Variants in RCBTB1 observed in about 807,000 individuals in gnomAD.
RCBTB1 encodes the protein RCC1 and BTB domain containing protein 1, also known as RCC1 and BTB domain-containing protein 1.
A neutral mutation model predicts 62.4 loss-of-function variants in RCBTB1; 46 were observed. That is an observed-to-expected ratio of 0.74 (90% CI 0.58 to 0.94). The LOEUF (loss-of-function observed/expected upper bound fraction) is 0.94. Among genes scored for constraint, RCBTB1 ranks in the 40% least tolerant of loss-of-function variants. RCBTB1 has a pLI of 0.00. For synonymous variants in RCBTB1, 222 were observed against 245.8 expected (o/e 0.90, Z 0.91); for missense variants, 565 against 654.9 (o/e 0.86, Z 1.50).
chr13:49,557,174 G>C (rs1961990676), intron 5 of RCBTB1, among the ~76,000 whole-genome samples: 1 of 152,180 alleles, frequency 6.6e-6, no homozygotes, highest in African/African-American at 2.4e-5. Flanking sequence ...TCAAAGAGAG[G>C]AACAGTATGA....
chr13:49,554,367 GAGA>G (rs1226094711), intron 6 of RCBTB1, among the ~76,000 whole-genome samples: 4 of 152,114 alleles, frequency 2.6e-5, no homozygotes, highest in Non-Finnish European at 4.4e-5. Context: ...TTAAAAATAA[GAGA>G]AGAATACTGG....
chr13:49,539,474 G>A (rs935364198), intron 12 of RCBTB1: 3 of 152,190 alleles, frequency 2.0e-5, no homozygotes, highest in Non-Finnish European at 4.4e-5. Context: ...CTTGAGCCGA[G>A]ACATCTGCCT....
rs2139181290 is a variant in RCBTB1 at position 49,551,470 on chromosome 13, T to G, written c.712-2A>C. ...AGTATGTGCGTAACCGCAGACAATC[T>G]GCAAGTAAATTGAAACGGTTACCAT... On this transcript the variant is annotated splice_acceptor_variant, in intron 7 of 12. Coordinates refer to ENST00000378302, the MANE Select transcript of RCBTB1 (RefSeq NM_018191.4). LOFTEE classifies it high-confidence loss of function. The G allele has an allele frequency of 6.2e-7, 1 of 1,613,874 alleles. No homozygotes were observed. The highest frequency in any genetic ancestry group is 1.1e-5 in the South Asian group (1 of 90,996).
At chr13:49,565,253 G>A (rs906328548) in intron 4 of RCBTB1, among the ~76,000 whole-genome samples, 1 of 152,230 alleles carries the variant, frequency 6.6e-6, no homozygotes, top group Admixed American at 6.5e-5. Context: ...CTAACCGCGA[G>A]TGATCTGCCA....
At chr13:49,544,890 T>C in intron 9 of RCBTB1, 27 bp from the exon 10 acceptor site, 6 of 1,593,570 alleles carry the variant, frequency 3.8e-6, no homozygotes, top group Non-Finnish European at 3.4e-6. Flanking sequence ...TATATTAATA[T>C]GGCAAGTTCA....
chr13:49,538,888 C>CTCT (rs1555281561), intron 12 of RCBTB1, among the ~76,000 whole-genome samples: 16 of 78,906 alleles, frequency 2.0e-4, no homozygotes, highest in Non-Finnish European at 2.9e-4. Context: ...TTTTTTTTAA[C>CTCT]TTTTTTTTTT....
rs4941647 is a variant in RCBTB1 at position 49,581,654 on chromosome 13, G to A, written c.-121-1070C>T. On this transcript the variant is annotated intron_variant, in intron 1 of 12. Transcript: ENST00000378302. ...AAGAAGAACTCTAAGAAACTCCAAC[G>A]GGAAAGGGACAGGGAGTACCCCCTA... is the stretch of plus-strand genomic sequence containing the variant. Among the ~76,000 whole-genome samples the A allele has an allele frequency of 5.9e-5, 9 of 152,306 alleles. No individual in the cohort carries two copies. The South Asian group carries it at 1.0e-3, about 18-fold the overall frequency.
At chr13:49,552,093 C>A (rs1961411605) in intron 7 of RCBTB1, 85 bp downstream of exon 7, 2 of 845,058 alleles carry the variant, frequency 2.4e-6, no homozygotes, top group Non-Finnish European at 2.0e-6. Context: ...AAAAGACTGA[C>A]TGAAGAGTAA....
At chr13:49,535,417 A>C (rs1403158409) in intron 12 of RCBTB1, among the ~76,000 whole-genome samples, 1 of 152,340 alleles carries the variant, frequency 6.6e-6, no homozygotes. Flanking sequence ...TCACACTAAA[A>C]GCTCTTATCA....
At chr13:49,577,143 G>A (rs752524516) in intron 2 of RCBTB1, among the ~76,000 whole-genome samples, 1 of 152,300 alleles carries the variant, frequency 6.6e-6, no homozygotes, top group South Asian at 2.1e-4. Context: ...TTTATACTCT[G>A]AAAGCAAATT....
At chr13:49,555,374 G>C in intron 6 of RCBTB1, 141 bp downstream of exon 6, 1 of 713,500 alleles carries the variant, frequency 1.4e-6, no homozygotes, top group Admixed American at 2.7e-5. Context: ...CAGCTCCTCA[G>C]TCAGTAATCA....
chr13:49,565,336 G>A (rs1381463012), intron 4 of RCBTB1, among the ~76,000 whole-genome samples: 4 of 152,170 alleles, frequency 2.6e-5, no homozygotes, highest in Non-Finnish European at 4.4e-5. Flanking sequence ...GCCCAGGCTG[G>A]AGTGCAGTGG....
At chr13:49,571,216 C>T (rs1232649934) in intron 2 of RCBTB1, among the ~76,000 whole-genome samples, 2 of 152,086 alleles carry the variant, frequency 1.3e-5, no homozygotes, top group African/African-American at 4.8e-5. Flanking sequence ...CATGGTGGCA[C>T]ATGCCTGTAA....
At chr13:49,565,626 C>G (rs1335419772) in intron 4 of RCBTB1, among the ~76,000 whole-genome samples, 4 of 140,758 alleles carry the variant, frequency 2.8e-5, no homozygotes, top group African/African-American at 5.8e-5. Flanking sequence ...TCTGCCCAGC[C>G]CCGACCCCGT....
At position 49,585,525 on chromosome 13, in the gene RCBTB1, G is replaced by A. The variant is rs1000655758; in HGVS notation, c.-203C>T. The A allele has an allele frequency of 6.6e-6, 1 of 152,226 alleles. No homozygotes were observed. The highest frequency in any genetic ancestry group is 6.5e-5 in the Admixed American group (1 of 15,282). 9.4% of individuals were successfully genotyped at this position (152,226 alleles called of 1,614,324 possible). A position where few individuals can be genotyped will look rare whatever the true frequency, so the allele number is the denominator to read the frequency against. Reference sequence around the variant, plus strand: ...CCAATGGGCGCAGAAGTGCGAGCGAGCGGCGGTGCCCACCGGCAGCGAAGA... The same window carrying A: ...CCAATGGGCGCAGAAGTGCGAGCGAACGGCGGTGCCCACCGGCAGCGAAGA... On this transcript the variant is annotated 5_prime_UTR_variant, in exon 1 of 13. Coordinates refer to ENST00000378302, the MANE Select transcript of RCBTB1 (RefSeq NM_018191.4).
chr13:49,551,899 C>CAA (rs5803471), intron 7 of RCBTB1, among the ~76,000 whole-genome samples: 3 of 100,358 alleles, frequency 3.0e-5, no homozygotes, highest in African/African-American at 7.1e-5. Flanking sequence ...GACTCCGTCT[C>CAA]AAAAAAAAAA....
At chr13:49,535,017 G>T (rs1006333904) in intron 12 of RCBTB1, among the ~76,000 whole-genome samples, 3 of 152,216 alleles carry the variant, frequency 2.0e-5, no homozygotes, top group Non-Finnish European at 4.4e-5. Context: ...CTGGGTGACA[G>T]AGCAGAGGCT....
In RCBTB1 at chr13:49,552,177, C is replaced by G. The variant is rs761341486; in HGVS notation, c.711+1G>C. The G allele has an allele frequency of 1.9e-6, 3 of 1,565,480 alleles. No individual in the cohort carries two copies. The highest frequency in any genetic ancestry group is 1.7e-6 in the Non-Finnish European group (2 of 1,150,792). ...ACTAACTGAGAGTGCACCACACGTA[C>G]CTGGTTCACACACACGCTGTGCAAA... is the stretch of plus-strand genomic sequence containing the variant. On this transcript the variant is annotated splice_donor_variant, in intron 7 of 12. Coordinates refer to ENST00000378302, the MANE Select transcript of RCBTB1 (RefSeq NM_018191.4). LOFTEE classifies it high-confidence loss of function.
At chr13:49,566,070 G>A (rs1158156706) in intron 4 of RCBTB1, among the ~76,000 whole-genome samples, 2 of 150,234 alleles carry the variant, frequency 1.3e-5, no homozygotes, top group South Asian at 2.1e-4. Context: ...CAGCATGCTC[G>A]TTAAGAGTCA....
Sources: gnomAD v4.1 joint callset for allele counts (sites outside exome capture counted in the v4.1 genomes callset) on GRCh38, gnomAD v4.1.1 for gene constraint, MANE v1.5 for transcripts, NCBI Gene and HGNC (gene_info 2026-07-23, HGNC 2026-07-21) for gene names.